CSMD3: variants seen among roughly 807,000 people sequenced by gnomAD.
CSMD3 encodes the protein CUB and sushi domain-containing protein 3.
A neutral mutation model predicts 435.2 loss-of-function variants in CSMD3; 177 were observed. That is an observed-to-expected ratio of 0.41 (90% confidence interval 0.36 to 0.46). The LOEUF is 0.46. Among genes scored for constraint, CSMD3 ranks in the 20% least tolerant of loss-of-function variants. The probability of loss-of-function intolerance (pLI) is 0.34; values close to 1 mark genes in which losing one functional copy is unlikely to be tolerated. For missense variants in CSMD3, 4,265 were observed against 4,504.6 expected (o/e 0.95, Z 1.52); for synonymous variants, 1,656 against 1,520.5 (o/e 1.09, Z -2.07).
In CSMD3 at chr8:112,787,028, C is replaced by A. The variant is rs1462177833; in HGVS notation, c.1972+13134G>T. Among the ~76,000 whole-genome samples, 3 of 152,036 alleles carry A rather than the reference C, an allele frequency of 2.0e-5. No homozygotes were observed. The East Asian group carries it at 5.8e-4, about 29-fold the overall frequency. ...GTTAGTTGGCTGAGAATAATGGTTT[C>A]CAGCTTCATCCAGGTCCCTGCAAAG... On this transcript the variant is annotated intron_variant, in intron 13 of 70. Transcript: ENST00000297405.
At chr8:112,307,441 C>A (rs1563768026) in intron 50 of CSMD3, among the ~76,000 whole-genome samples, 1 of 152,030 alleles carries the variant, frequency 6.6e-6, no homozygotes, top group Non-Finnish European at 1.5e-5. Flanking sequence ...ATCACCAGGT[C>A]CGGCTAATAT....
At chr8:113,389,691 T>C (rs2133145895) in intron 1 of CSMD3, among the ~76,000 whole-genome samples, 1 of 151,874 alleles carries the variant, frequency 6.6e-6, no homozygotes, top group Non-Finnish European at 1.5e-5. Context: ...CACCATATGC[T>C]AGCTGTTTGA....
chr8:112,330,083 G>T (rs558753586), intron 45 of CSMD3, among the ~76,000 whole-genome samples: 5 of 151,998 alleles, frequency 3.3e-5, no homozygotes, highest in Admixed American at 1.3e-4. Context: ...TGAGGCAAAG[G>T]GGTCACACAG....
At chr8:113,105,422 C>A (rs944610036) in intron 4 of CSMD3, among the ~76,000 whole-genome samples, 1 of 152,004 alleles carries the variant, frequency 6.6e-6, no homozygotes, top group African/African-American at 2.4e-5. Context: ...AGTCATAGGG[C>A]AAAGTTCTAG....
At position 112,897,692 on chromosome 8, in the gene CSMD3, CTCTGTGTGTG is replaced by C. The variant is rs1200041202; in HGVS notation, c.1633+23925_1633+23934del. 4.7e-3 allele frequency among the ~76,000 whole-genome samples: 266 copies of C among 57,054 alleles called. 1 individual carries two copies. The East Asian group carries it at 0.17, about 37-fold the overall frequency. The allele number at this position is 57,054 out of a possible 152,430, so 37.4% of individuals were successfully genotyped here. On this transcript the variant is annotated intron_variant, in intron 10 of 70. Coordinates refer to ENST00000297405, the MANE Select transcript of CSMD3 (RefSeq NM_198123.2). ...TCTCTCTCTCTCTCTCTCTCTCTCT[CTCTGTGTGTG>C]TGTGTGTGTGTGTGTGTGTGTGTGT... is the stretch of plus-strand genomic sequence containing the variant.
At chr8:113,356,727 A>T (rs2094231587) in intron 1 of CSMD3, among the ~76,000 whole-genome samples, 1 of 152,174 alleles carries the variant, frequency 6.6e-6, no homozygotes, top group African/African-American at 2.4e-5. Context: ...AATATATGGA[A>T]TATAACCAAG....
At position 112,747,962 on chromosome 8, in the gene CSMD3, C is replaced by CAAAAA. The variant is rs71309788; in HGVS notation, c.1972+52195_1972+52199dup. ...TGGGCGACAGAACAAGACTCCGTCT[C>CAAAAA]AAAAAAAAAAAAAAAAAAAAAAAAC... On this transcript the variant is annotated intron_variant, in intron 13 of 70. Transcript: ENST00000297405. 5.7e-4 allele frequency among the ~76,000 whole-genome samples: 55 copies of CAAAAA among 96,734 alleles called. 2 individuals are homozygous for CAAAAA. Among genetic ancestry groups the CAAAAA allele is most frequent in the African/African-American group, 1.8e-3 (46 of 25,972 alleles). The allele number at this position is 96,734 out of a possible 152,430, so 63.5% of individuals were successfully genotyped here. A position where few individuals can be genotyped will look rare whatever the true frequency, so the allele number is the denominator to read the frequency against.
At chr8:112,577,341 C>CA (rs2131316440) in intron 23 of CSMD3, among the ~76,000 whole-genome samples, 1 of 151,880 alleles carries the variant, frequency 6.6e-6, no homozygotes, top group South Asian at 2.1e-4. Context: ...AATAAGAAAA[C>CA]AAAACAAACA....
At chr8:112,375,993 G>T (rs1238010051) in intron 38 of CSMD3, among the ~76,000 whole-genome samples, 1 of 152,052 alleles carries the variant, frequency 6.6e-6, no homozygotes, top group African/African-American at 2.4e-5. Flanking sequence ...ATATTTCATA[G>T]CTCTGTCTGA....
At chr8:113,336,301 T>A (rs1340644340) in intron 1 of CSMD3, among the ~76,000 whole-genome samples, 1 of 151,964 alleles carries the variant, frequency 6.6e-6, no homozygotes, top group Non-Finnish European at 1.5e-5. Context: ...CTTTTAAATT[T>A]TTTTGCTGAC....
intron 3 of CSMD3, among the ~76,000 whole-genome samples, chr8:113,252,677 G>T (rs962711535): frequency 6.6e-6 from 1 of 151,954 alleles, no homozygotes; most frequent in Admixed American, 6.6e-5. Flanking sequence ...CTTGGGAAAA[G>T]ATTTTGAAAG....
intron 22 of CSMD3, among the ~76,000 whole-genome samples, chr8:112,603,755 T>C (rs1293209300): frequency 6.6e-6 from 1 of 152,170 alleles, no homozygotes; most frequent in East Asian, 1.9e-4. Flanking sequence ...TTTCAAATTG[T>C]CACAAATCTC....
intron 13 of CSMD3, among the ~76,000 whole-genome samples, chr8:112,788,480 C>T (rs774921819): frequency 5.9e-5 from 9 of 152,046 alleles, no homozygotes; most frequent in Non-Finnish European, 1.3e-4. Context: ...CAAAGTTCAC[C>T]GCCTCTGGAA....
At chr8:112,533,605 C>T (rs1825752451) in intron 27 of CSMD3, among the ~76,000 whole-genome samples, 1 of 151,898 alleles carries the variant, frequency 6.6e-6, no homozygotes. Flanking sequence ...AATATCAAAG[C>T]ATCCAAATAT....
At position 112,223,915 on chromosome 8, in the gene CSMD3, G is replaced by A. The variant is rs1397813124; in HGVS notation, c.*856C>T. The A allele has an allele frequency of 6.6e-6, 1 of 152,076 alleles. No homozygotes were observed. 9.4% of individuals were successfully genotyped at this position (152,076 alleles called of 1,614,324 possible). Reference sequence around the variant, plus strand: ...TAACTGCAAAATAATAATTTTTCTAGATAATTTCTGCCAGCCAAATGGTTT... The same window carrying A: ...TAACTGCAAAATAATAATTTTTCTAAATAATTTCTGCCAGCCAAATGGTTT... On this transcript the variant is annotated 3_prime_UTR_variant, in exon 71 of 71. Transcript: ENST00000297405.
chr8:112,609,809 A>C (rs977691992), intron 22 of CSMD3, among the ~76,000 whole-genome samples: 1 of 152,106 alleles, frequency 6.6e-6, no homozygotes, highest in African/African-American at 2.4e-5. Flanking sequence ...ATATATATGG[A>C]ATATTATTCA....
At chr8:112,542,756 C>A (rs1826799558) in intron 27 of CSMD3, among the ~76,000 whole-genome samples, 1 of 152,014 alleles carries the variant, frequency 6.6e-6, no homozygotes, top group Non-Finnish European at 1.5e-5. Flanking sequence ...CTTGAATAGT[C>A]AAATCAGTTT....
At chr8:113,035,575 G>A (rs529043060) in intron 5 of CSMD3, among the ~76,000 whole-genome samples, 26 of 152,056 alleles carry the variant, frequency 1.7e-4, no homozygotes, top group African/African-American at 6.3e-4. Context: ...GCAGCTATAT[G>A]ATTGTATATG....
intron 1 of CSMD3, among the ~76,000 whole-genome samples, chr8:113,363,299 T>G (rs13281918): frequency 6.6e-6 from 1 of 152,002 alleles, no homozygotes; most frequent in African/African-American, 2.4e-5. Context: ...TGTTTGTATA[T>G]TTCAAAGTCC....
Sources: gnomAD v4.1 joint callset for allele counts (sites outside exome capture counted in the v4.1 genomes callset) on GRCh38, gnomAD v4.1.1 for gene constraint, MANE v1.5 for transcripts, NCBI Gene and HGNC (gene_info 2026-07-23, HGNC 2026-07-21) for gene names.